The following RAB10 variants were observed in gnomAD, a reference collection of about 807,000 sequenced individuals.
RAB10 encodes RAB10, member RAS oncogene family, also known as ras-related protein Rab-10.
A neutral mutation model predicts 25.7 loss-of-function variants in RAB10; 5 were observed. The observed-to-expected ratio is 0.19, with a 90% CI of 0.10 to 0.41. The LOEUF (loss-of-function observed/expected upper bound fraction) is 0.41. Among genes scored for constraint, RAB10 ranks in the 10% least tolerant of loss-of-function variants. The pLI is 1.00. For synonymous variants in RAB10, 89 were observed against 86.4 expected (o/e 1.03, Z -0.16); for missense variants, 103 against 245.8 (o/e 0.42, Z 3.89).
At chr2:26,114,871 C>A (rs980817927) in intron 3 of RAB10, among the ~76,000 whole-genome samples, 1 of 151,866 alleles carries the variant, frequency 6.6e-6, no homozygotes, top group Non-Finnish European at 1.5e-5. Context: ...TACTACACTC[C>A]AGCCTGGGCA....
intron 5 of RAB10, among the ~76,000 whole-genome samples, chr2:26,128,526 C>T (rs1176570025): frequency 6.6e-6 from 1 of 152,210 alleles, no homozygotes; most frequent in East Asian, 1.9e-4. Flanking sequence ...TTATTTTTTC[C>T]AGCTTTTTGT....
chr2:26,094,243 A>AT (rs752202168), intron 1 of RAB10, among the ~76,000 whole-genome samples: 9 of 147,338 alleles, frequency 6.1e-5, no homozygotes, highest in Non-Finnish European at 1.3e-4. Flanking sequence ...ATTTCATCTC[A>AT]TTTTTTCACT....
intron 1 of RAB10, among the ~76,000 whole-genome samples, chr2:26,092,862 A>C (rs114458745): frequency 7.9e-5 from 12 of 152,274 alleles, no homozygotes; most frequent in Non-Finnish European, 1.8e-4. Context: ...CTTAAAGAAA[A>C]ACAATATGGA....
rs1159143512 is a variant in RAB10 at position 26,136,930 on chromosome 2, A to G, written c.*1909A>G. The G allele has an allele frequency of 6.5e-6, 1 of 152,696 alleles. No homozygotes were observed. Among genetic ancestry groups the G allele is most frequent in the Non-Finnish European group, 1.5e-5 (1 of 68,050 alleles). The allele number at this position is 152,696 out of a possible 1,614,324, so 9.5% of individuals were successfully genotyped here. ...TTTCCACTAAAAATATAATGAAATG[A>G]TGTTAAGCTTTTTGAAAAGTTTAGG... On this transcript the variant is annotated 3_prime_UTR_variant, in exon 6 of 6. Transcript: ENST00000264710.
chr2:26,102,435 C>G (rs1282193588), intron 2 of RAB10, among the ~76,000 whole-genome samples: 5 of 134,474 alleles, frequency 3.7e-5, no homozygotes, highest in Non-Finnish European at 6.3e-5. Flanking sequence ...TTTCTTTTTT[C>G]TTTCTTTTTT....
chr2:26,089,204 C>G (rs988089941), intron 1 of RAB10, among the ~76,000 whole-genome samples: 6 of 151,720 alleles, frequency 4.0e-5, no homozygotes, highest in African/African-American at 1.5e-4. Flanking sequence ...GTGGGTGGAT[C>G]ACTTGAGGTC....
intron 5 of RAB10, among the ~76,000 whole-genome samples, 193 bp downstream of exon 5, chr2:26,128,144 G>A (rs920992817): frequency 6.6e-6 from 1 of 152,056 alleles, no homozygotes; most frequent in Non-Finnish European, 1.5e-5. Context: ...CCGTACTGGG[G>A]GGTAGTTTCA....
chr2:26,116,411 T>C (rs1240390711), intron 3 of RAB10, among the ~76,000 whole-genome samples: 1 of 152,076 alleles, frequency 6.6e-6, no homozygotes, highest in Non-Finnish European at 1.5e-5. Flanking sequence ...GTGTGGAGCC[T>C]TCTTTGTATA....
At chr2:26,131,579 A>G (rs975714280) in intron 5 of RAB10, among the ~76,000 whole-genome samples, 1 of 152,186 alleles carries the variant, frequency 6.6e-6, no homozygotes, top group Admixed American at 6.5e-5. Context: ...TCTTGCTTCA[A>G]ACATTTTAAA....
intron 1 of RAB10, among the ~76,000 whole-genome samples, chr2:26,041,569 A>G (rs1327348611): frequency 2.0e-5 from 3 of 146,474 alleles, no homozygotes; most frequent in African/African-American, 5.1e-5. Context: ...AAAAAAAAGA[A>G]TGTTAGCTGT....
At chr2:26,081,777 A>G (rs1175461150) in intron 1 of RAB10, among the ~76,000 whole-genome samples, 1 of 152,244 alleles carries the variant, frequency 6.6e-6, no homozygotes, top group Non-Finnish European at 1.5e-5. Context: ...TTAAAAAAGG[A>G]AACAATGTAA....
At position 26,076,162 on chromosome 2, in the gene RAB10, T is replaced by A. The variant is rs548518830; in HGVS notation, c.128-22500T>A. Among the ~76,000 whole-genome samples the A allele has an allele frequency of 3.9e-5, 6 of 151,946 alleles. No individual in the cohort carries two copies. In the East Asian group the frequency reaches 1.2e-3, roughly 30 times the overall value. On this transcript the variant is annotated intron_variant, in intron 1 of 5. Coordinates refer to ENST00000264710, the MANE Select transcript of RAB10 (RefSeq NM_016131.5). ...GCTTCCTACACATGATCTCATTTAA[T>A]CCCCATAACATATTGGAGATAGAAA...
chr2:26,063,470 G>A (rs1032834850), intron 1 of RAB10, among the ~76,000 whole-genome samples: 11 of 151,776 alleles, frequency 7.2e-5, no homozygotes, highest in African/African-American at 2.7e-4. Flanking sequence ...TGAAAAGTAA[G>A]CTACAGATGT....
chr2:26,055,564 T>G (rs1472603974), intron 1 of RAB10, among the ~76,000 whole-genome samples: 1 of 152,084 alleles, frequency 6.6e-6, no homozygotes, highest in African/African-American at 2.4e-5. Flanking sequence ...ATTTTTTGTA[T>G]TTTTAGTAGA....
Position 26,034,330 on chromosome 2 carries a change from G to T in RAB10, c.-279G>T, listed in dbSNP as rs1039569916. 7.2e-4 allele frequency: 406 copies of T among 567,488 alleles called. 1 individual carries two copies. The highest frequency in any genetic ancestry group is 1.1e-3 in the Admixed American group (38 of 33,214). The allele number at this position is 567,488 out of a possible 1,614,324, so 35.2% of individuals were successfully genotyped here. On this transcript the variant is annotated 5_prime_UTR_variant, in exon 1 of 6. Coordinates refer to ENST00000264710, the MANE Select transcript of RAB10 (RefSeq NM_016131.5). ...AGCGTCCCGGCCGAGAAGCCCTGAG[G>T]GGGGAGGGGAGGCCATTTTGTCCCG...
intron 1 of RAB10, among the ~76,000 whole-genome samples, chr2:26,040,597 G>T (rs547999797): frequency 1.6e-4 from 24 of 152,220 alleles, no homozygotes; most frequent in Admixed American, 1.4e-3. Context: ...GTTCAAAGGT[G>T]CAGTGAGCTC....
chr2:26,108,055 C>G (rs78793829), intron 2 of RAB10, among the ~76,000 whole-genome samples: 352 of 152,260 alleles, frequency 2.3e-3, no homozygotes, highest in African/African-American at 8.3e-3. Context: ...TTATATGTTG[C>G]TAGTGCAAAT....
chr2:26,126,650 A>G (rs796637336), intron 3 of RAB10, among the ~76,000 whole-genome samples: 2 of 152,278 alleles, frequency 1.3e-5, no homozygotes, highest in African/African-American at 4.8e-5. Flanking sequence ...AGATCTTTCT[A>G]TTTCTGCAAA....
intron 1 of RAB10, among the ~76,000 whole-genome samples, chr2:26,042,196 G>A (rs1665905240): frequency 6.6e-6 from 1 of 152,152 alleles, no homozygotes; most frequent in Non-Finnish European, 1.5e-5. Flanking sequence ...TTTTCACTGG[G>A]AATTGGAGTC....
Sources: gnomAD v4.1 joint callset for allele counts (sites outside exome capture counted in the v4.1 genomes callset) on GRCh38, gnomAD v4.1.1 for gene constraint, MANE v1.5 for transcripts, NCBI Gene and HGNC (gene_info 2026-07-23, HGNC 2026-07-21) for gene names.